ZCCHC7: variants seen among roughly 807,000 people sequenced by gnomAD.
ZCCHC7 encodes the protein zinc finger CCHC-type containing 7.
In ZCCHC7, 35 loss-of-function variants were observed where a neutral mutation model predicts 52.0. That is an observed-to-expected ratio of 0.67 (90% CI 0.51 to 0.89). ZCCHC7 has a LOEUF of 0.89. Among genes scored for constraint, ZCCHC7 ranks in the 40% least tolerant of loss-of-function variants. ZCCHC7 has a pLI of 0.00. For missense variants in ZCCHC7, 574 were observed against 649.1 expected, an observed-to-expected ratio of 0.88 and a Z score of 1.26; for synonymous variants, 217 against 221.5, an observed-to-expected ratio of 0.98 and a Z score of 0.18.
intron 5 of ZCCHC7, among the ~76,000 whole-genome samples, chr9:37,316,868 CTTTT>C (rs34953424): frequency 1.4e-5 from 2 of 140,304 alleles, no homozygotes; most frequent in Admixed American, 7.2e-5. Flanking sequence ...ACATAAGCCT[CTTTT>C]TTTTTTTTTT....
At chr9:37,165,228 G>T (rs765883631) in intron 2 of ZCCHC7, among the ~76,000 whole-genome samples, 5 of 151,532 alleles carry the variant, frequency 3.3e-5, no homozygotes, top group Non-Finnish European at 7.4e-5. Context: ...TTCTTTTTTG[G>T]TAGATTCTTT....
Position 37,126,768 on chromosome 9 carries a change from TC to T in ZCCHC7, c.437del (p.Ser146Ter), listed in dbSNP as rs770504974. 1 of 1,614,048 alleles carries T rather than the reference TC, an allele frequency of 6.2e-7. No individual in the cohort carries two copies. Among genetic ancestry groups the T allele is most frequent in the Non-Finnish European group, 8.5e-7 (1 of 1,179,990 alleles). ...DIEKPKSEER[S>X]GVIREVMIIE... ...TGAGAAGCCTAAATCTGAAGAGAGA[TC>T]AGGTGTAATCCGAGAGGTCATGATT... On this transcript the variant is annotated frameshift_variant, in exon 2 of 9. Transcript: ENST00000336755. LOFTEE classifies it high-confidence loss of function.
chr9:37,314,812 C>T (rs1829743989), intron 5 of ZCCHC7, among the ~76,000 whole-genome samples: 1 of 150,988 alleles, frequency 6.6e-6, no homozygotes, highest in Admixed American at 6.6e-5. Context: ...TTGAAAATCT[C>T]CCTCAAATTA....
chr9:37,256,723 A>G (rs1010703707), intron 2 of ZCCHC7, among the ~76,000 whole-genome samples: 6 of 152,214 alleles, frequency 3.9e-5, no homozygotes, highest in African/African-American at 1.2e-4. Flanking sequence ...AAAATTATGC[A>G]TGAGTGAAAA....
intron 2 of ZCCHC7, among the ~76,000 whole-genome samples, chr9:37,256,609 G>C (rs1402259281): frequency 1.3e-5 from 2 of 152,052 alleles, no homozygotes; most frequent in African/African-American, 4.8e-5. Context: ...CAATACTCTA[G>C]TACATGTCTT....
At chr9:37,332,007 A>T (rs1212671673) in intron 6 of ZCCHC7, among the ~76,000 whole-genome samples, 9 of 151,618 alleles carry the variant, frequency 5.9e-5, no homozygotes, top group African/African-American at 2.2e-4. Flanking sequence ...TTCATTTTGG[A>T]AGCTTTTGTT....
intron 2 of ZCCHC7, among the ~76,000 whole-genome samples, chr9:37,283,260 G>T (rs1424475802): frequency 1.3e-5 from 2 of 152,058 alleles, no homozygotes; most frequent in African/African-American, 2.4e-5. Context: ...TGTCTATCCA[G>T]CACATCCTAA....
intron 6 of ZCCHC7, among the ~76,000 whole-genome samples, chr9:37,336,269 CAAACTT>C (rs1326951639): frequency 6.6e-6 from 1 of 152,166 alleles, no homozygotes; most frequent in African/African-American, 2.4e-5. Context: ...AAAGGCAACT[CAAACTT>C]AAGCACTTTA....
At chr9:37,191,626 C>T (rs1237300400) in intron 2 of ZCCHC7, among the ~76,000 whole-genome samples, 1 of 152,128 alleles carries the variant, frequency 6.6e-6, no homozygotes, top group Admixed American at 6.5e-5. Flanking sequence ...ATTAGAATTC[C>T]AAAGGGCATT....
At chr9:37,178,884 A>G (rs905570933) in intron 2 of ZCCHC7, among the ~76,000 whole-genome samples, 4 of 152,208 alleles carry the variant, frequency 2.6e-5, no homozygotes, top group South Asian at 2.1e-4. Context: ...AAATTTTTGG[A>G]TATGAAATTA....
intron 2 of ZCCHC7, among the ~76,000 whole-genome samples, chr9:37,136,028 T>C (rs1842982449): frequency 6.6e-6 from 1 of 151,290 alleles, no homozygotes; most frequent in South Asian, 2.1e-4. Context: ...TCTAGGTCTT[T>C]ACATATGTGT....
chr9:37,158,543 T>C (rs1204878198), intron 2 of ZCCHC7, among the ~76,000 whole-genome samples: 2 of 152,042 alleles, frequency 1.3e-5, no homozygotes, highest in Non-Finnish European at 2.9e-5. Flanking sequence ...TTTGAGAGAG[T>C]CATTTATATG....
chr9:37,200,324 G>A (rs1384887647), intron 2 of ZCCHC7, among the ~76,000 whole-genome samples: 20 of 151,910 alleles, frequency 1.3e-4, no homozygotes. Context: ...CTGTATTCAG[G>A]CCTCATTTTG....
intron 2 of ZCCHC7, among the ~76,000 whole-genome samples, chr9:37,295,584 C>A (rs1828749447): frequency 6.6e-6 from 1 of 152,000 alleles, no homozygotes; most frequent in African/African-American, 2.4e-5. Context: ...ATTTTGGATA[C>A]CCTATTTATA....
At chr9:37,311,596 G>C (rs1829603369) in intron 5 of ZCCHC7, among the ~76,000 whole-genome samples, 3 of 152,078 alleles carry the variant, frequency 2.0e-5, no homozygotes, top group African/African-American at 7.2e-5. Flanking sequence ...TTTTAGTAGA[G>C]GTGTGGTTTC....
At chr9:37,122,722 G>A (rs781665452) in intron 1 of ZCCHC7, among the ~76,000 whole-genome samples, 1 of 152,206 alleles carries the variant, frequency 6.6e-6, no homozygotes, top group Non-Finnish European at 1.5e-5. Flanking sequence ...GGCGGATCAC[G>A]AGGTCAGGAG....
chr9:37,177,218 C>T (rs1822087233), intron 2 of ZCCHC7, among the ~76,000 whole-genome samples: 1 of 152,084 alleles, frequency 6.6e-6, no homozygotes, highest in Non-Finnish European at 1.5e-5. Context: ...ACCTGTAGTC[C>T]CAGCTACTTG....
intron 2 of ZCCHC7, among the ~76,000 whole-genome samples, chr9:37,189,448 G>A (rs1361683198): frequency 1.3e-5 from 2 of 152,142 alleles, no homozygotes; most frequent in East Asian, 1.9e-4. Flanking sequence ...GTGCAACAGC[G>A]TGGTCTCGGC....
At chr9:37,217,557 A>G (rs1316726029) in intron 2 of ZCCHC7, among the ~76,000 whole-genome samples, 2 of 152,164 alleles carry the variant, frequency 1.3e-5, no homozygotes, top group Non-Finnish European at 2.9e-5. Flanking sequence ...TGTATGCAGT[A>G]CATGTTTTCC....
Sources: allele counts gnomAD v4.1 joint callset (sites outside exome capture counted in the v4.1 genomes callset), GRCh38; gene constraint gnomAD v4.1.1; transcripts MANE v1.5; gene names NCBI Gene and HGNC (gene_info 2026-07-23, HGNC 2026-07-21).